HNF1B: variants seen among roughly 807,000 people sequenced by gnomAD.
HNF1B encodes the protein hepatocyte nuclear factor 1-beta.
HNF1B carries 8 observed loss-of-function variants against 61.7 expected under a neutral mutation model. The observed-to-expected ratio is 0.13, with a 90% confidence interval of 0.08 to 0.23. The LOEUF is 0.23. HNF1B is among the 10% of genes least tolerant of loss of function. HNF1B has a pLI of 1.00. For synonymous variants in HNF1B, 314 were observed against 287.7 expected (o/e 1.09, Z -0.93); for missense variants, 562 against 714.5 (o/e 0.79, Z 2.43).
chr17:37,741,907 A>T (rs1004801807), intron 1 of HNF1B, among the ~76,000 whole-genome samples: 1 of 152,224 alleles, frequency 6.6e-6, no homozygotes, highest in African/African-American at 2.4e-5. Flanking sequence ...AAGAGTGAGG[A>T]GTAAGATGGC....
At chr17:37,731,873 G>A (rs772325652) in intron 3 of HNF1B, 43 bp from the exon 4 acceptor site, 1 of 1,330,920 alleles carries the variant, frequency 7.5e-7, no homozygotes, top group Non-Finnish European at 1.1e-6. Context: ...GGGGGGGCGG[G>A]GGGACTTGTT....
At chr17:37,735,331 C>T (rs929163161) in intron 2 of HNF1B, among the ~76,000 whole-genome samples, 2 of 152,246 alleles carry the variant, frequency 1.3e-5, no homozygotes, top group African/African-American at 4.8e-5. Flanking sequence ...CAGCAGGGAA[C>T]TTACCACCTG....
At chr17:37,712,292 T>G (rs980963506) in intron 4 of HNF1B, among the ~76,000 whole-genome samples, 10 of 152,278 alleles carry the variant, frequency 6.6e-5, no homozygotes, top group Non-Finnish European at 1.5e-5. Context: ...CTACATTTTT[T>G]GGGAAGGACA....
chr17:37,697,650 C>T (rs556344397), intron 8 of HNF1B, among the ~76,000 whole-genome samples: 1 of 152,154 alleles, frequency 6.6e-6, no homozygotes, highest in Admixed American at 6.5e-5. Flanking sequence ...TGGCTGCCCC[C>T]CTGATTGAGA....
chr17:37,709,072 C>T lies in HNF1B; in HGVS notation c.1206+1431G>A, dbSNP rs191139207. 7.9e-5 allele frequency among the ~76,000 whole-genome samples: 12 copies of T among 152,194 alleles called. No homozygotes were observed. In the South Asian group the frequency reaches 8.3e-4, roughly 11 times the overall value. ...CTTCAGCATGAAAGTCGGGAATCTG[C>T]GGCTCCTCCCTCCCCTGAAAAACAG... is the stretch of plus-strand genomic sequence containing the variant. On this transcript the variant is annotated intron_variant, in intron 5 of 8. Transcript: ENST00000617811.
At chr17:37,733,193 T>C (rs985431711) in intron 3 of HNF1B, among the ~76,000 whole-genome samples, 6 of 152,322 alleles carry the variant, frequency 3.9e-5, no homozygotes, top group East Asian at 3.9e-4. Flanking sequence ...CCAAGTATCA[T>C]ATTTTAAATT....
chr17:37,728,434 G>A (rs574500492), intron 4 of HNF1B, among the ~76,000 whole-genome samples: 45 of 151,640 alleles, frequency 3.0e-4, no homozygotes, highest in African/African-American at 1.0e-3. Flanking sequence ...AGCCTCCCAA[G>A]TAGCTGGGAC....
intron 8 of HNF1B, among the ~76,000 whole-genome samples, chr17:37,695,301 C>A (rs1203360233): frequency 6.6e-6 from 1 of 152,218 alleles, no homozygotes; most frequent in Non-Finnish European, 1.5e-5. Context: ...TGATGTTAAG[C>A]CTGCAGATGC....
chr17:37,733,749 A>G lies in HNF1B; in HGVS notation c.617T>C (p.Phe206Ser). The G allele has an allele frequency of 3.1e-6, 5 of 1,614,184 alleles. No homozygotes were observed. The highest frequency in any genetic ancestry group is 4.2e-6 in the Non-Finnish European group (5 of 1,180,018). ...ATGGCTCTGTTGACTGAACTCTGGA[A>G]AGAGAAACAGCAGCTGATCCTGACT... ...KSSQDQLLFL[F>S]PEFSQQSHGP... Residue 206 changes from phenylalanine to serine, a missense_variant, in exon 3 of 9, where the codon TTT becomes TCT. This residue lies in a region of HNF1B where 69 missense variants were observed against 81.2 expected (regional missense o/e 0.85). Transcript: ENST00000617811.
chr17:37,708,359 T>G (rs1373070865), intron 5 of HNF1B, among the ~76,000 whole-genome samples: 2 of 152,206 alleles, frequency 1.3e-5, no homozygotes, highest in Admixed American at 6.5e-5. Context: ...CGTTGAGGTG[T>G]GCAGTCTTGG....
rs376262025 is a variant in HNF1B, at chr17:37,687,363, G to A, written c.*9C>T. 9.3e-6 allele frequency: 15 copies of A among 1,614,068 alleles called. No individual in the cohort carries two copies. The highest frequency in any genetic ancestry group is 1.2e-5 in the Non-Finnish European group (14 of 1,180,004). On this transcript the variant is annotated 3_prime_UTR_variant, in exon 9 of 9. Transcript: ENST00000617811. ...TGTTGTTGCGCACGAAGTAAGTGGT[G>A]TGTGGGCATCACCAGGCTTGTAGAG...
chr17:37,691,657 G>A (rs2032209170), intron 8 of HNF1B, among the ~76,000 whole-genome samples: 1 of 152,118 alleles, frequency 6.6e-6, no homozygotes, highest in African/African-American at 2.4e-5. Context: ...CATGAAAGAG[G>A]TATCATTATC....
intron 5 of HNF1B, among the ~76,000 whole-genome samples, chr17:37,706,169 G>A (rs975313384): frequency 6.6e-6 from 1 of 152,098 alleles, no homozygotes; most frequent in South Asian, 2.1e-4. Flanking sequence ...ATGTTGACCA[G>A]GCTGGTCTTG....
At chr17:37,691,421 T>C (rs2032199370) in intron 8 of HNF1B, among the ~76,000 whole-genome samples, 1 of 152,142 alleles carries the variant, frequency 6.6e-6, no homozygotes, top group Admixed American at 6.5e-5. Context: ...CAGCAAGGCT[T>C]GTGCTCTTCA....
intron 4 of HNF1B, among the ~76,000 whole-genome samples, chr17:37,721,448 C>G (rs2033311597): frequency 6.6e-6 from 1 of 152,164 alleles, no homozygotes; most frequent in Non-Finnish European, 1.5e-5. Context: ...CACACACAGT[C>G]TTCAAATAAT....
intron 3 of HNF1B, 129 bp downstream of exon 3, chr17:37,733,428 T>C (rs566374896): frequency 9.4e-6 from 10 of 1,063,502 alleles, no homozygotes; most frequent in South Asian, 2.5e-5. Context: ...CTGTGGAACA[T>C]ACTTTGAGAA....
intron 4 of HNF1B, among the ~76,000 whole-genome samples, chr17:37,713,169 T>C (rs2032992819): frequency 6.6e-6 from 1 of 152,078 alleles, no homozygotes; most frequent in Non-Finnish European, 1.5e-5. Flanking sequence ...GAGAGAGTGT[T>C]GATAACGCTG....
At chr17:37,720,381 C>A (rs1368682197) in intron 4 of HNF1B, among the ~76,000 whole-genome samples, 2 of 152,074 alleles carry the variant, frequency 1.3e-5, no homozygotes, top group South Asian at 2.1e-4. Flanking sequence ...ATGATACGTT[C>A]TTTGAAAACT....
chr17:37,735,540 A>C (rs887596222), intron 2 of HNF1B, among the ~76,000 whole-genome samples: 4 of 152,182 alleles, frequency 2.6e-5, no homozygotes, highest in African/African-American at 7.2e-5. Context: ...AGTGGTGCCC[A>C]ACAATGCCAC....
Sources: gnomAD v4.1 joint callset for allele counts (sites outside exome capture counted in the v4.1 genomes callset) on GRCh38, gnomAD v4.1.1 for gene constraint, gnomAD v4.1.1 regional missense constraint, MANE v1.5 for transcripts, NCBI Gene and HGNC (gene_info 2026-07-23, HGNC 2026-07-21) for gene names.